LCK: variants seen among roughly 807,000 people sequenced by gnomAD.
The protein encoded by LCK is LCK proto-oncogene, Src family tyrosine kinase.
LCK carries 14 observed loss-of-function variants against 64.6 expected under a neutral mutation model. The ratio of observed to expected loss-of-function variants is 0.22; its 90% confidence interval spans 0.14 to 0.34. The LOEUF (loss-of-function observed/expected upper bound fraction) is 0.34, where lower values mean the gene tolerates loss of function less well. LCK is among the 10% of genes least tolerant of loss of function. LCK has a pLI of 1.00. For synonymous variants in LCK, 277 were observed against 263.6 expected (o/e 1.05, Z -0.49); for missense variants, 434 against 668.1 (o/e 0.65, Z 3.86).
chr1:32,281,588 A>G (rs1218836319), intron 12 of LCK, among the ~76,000 whole-genome samples: 2 of 152,100 alleles, frequency 1.3e-5, no homozygotes, highest in African/African-American at 4.8e-5. Context: ...AAAGCCCTTT[A>G]CCCCTGAATT....
chr1:32,265,643 C>T (rs893150631), intron 1 of LCK, among the ~76,000 whole-genome samples: 3 of 152,160 alleles, frequency 2.0e-5, no homozygotes, highest in Non-Finnish European at 4.4e-5. Flanking sequence ...TAGGACCTGC[C>T]TTGCATGCTT....
chr1:32,278,949 A>G (rs1269919385), intron 9 of LCK, among the ~76,000 whole-genome samples: 1 of 152,130 alleles, frequency 6.6e-6, no homozygotes, highest in African/African-American at 2.4e-5. Context: ...GCCCTCCACT[A>G]TTAGAGAGGT....
chr1:32,266,543 C>T (rs1639915121), intron 1 of LCK, among the ~76,000 whole-genome samples: 1 of 150,942 alleles, frequency 6.6e-6, no homozygotes, highest in African/African-American at 2.4e-5. Context: ...GCCTCAGCCT[C>T]CAAAAGGGCT....
At chr1:32,261,695 C>A (rs1256922130) in intron 1 of LCK, among the ~76,000 whole-genome samples, 7 of 146,066 alleles carry the variant, frequency 4.8e-5, no homozygotes, top group Admixed American at 6.9e-5. Flanking sequence ...TGGCTTACAC[C>A]TGTAATCTCA....
chr1:32,275,583 A>G lies in LCK; in HGVS notation c.392A>G (p.Asn131Ser). The G allele has an allele frequency of 1.3e-6, 2 of 1,570,430 alleles. No individual in the cohort carries two copies. Among genetic ancestry groups the G allele is most frequent in the Admixed American group, 1.9e-5 (1 of 52,782 alleles). Residue 131 changes from asparagine (N) to serine (S), a missense_variant, in exon 6 of 13, where the codon AAC (asparagine) becomes AGC (serine). Coordinates refer to ENST00000336890, the MANE Select transcript of LCK (RefSeq NM_005356.5). This position sits in a 1 kb window ranked among gnomAD's most constrained non-coding sequence, Gnocchi z 6.9. ...GCCCTGCACAGCTGGTTCTTCAAGA[A>G]CCTGAGCCGCAAGGACGCGGAGCGG... ...SLEPEPWFFK[N>S]LSRKDAERQL...
At position 32,268,297 on chromosome 1, in the gene LCK, T is replaced by A. The variant is rs545315657; in HGVS notation, c.-5-6028T>A. Among the ~76,000 whole-genome samples the A allele has an allele frequency of 2.1e-3, 319 of 152,042 alleles. 4 individuals carry two copies. The highest frequency in any genetic ancestry group is 3.8e-3 in the Non-Finnish European group (257 of 67,974). ...GGCTTCTTTTCAAAACTTAAAAAAA[T>A]TTATTATTATTATTCATTTATTTAT... On this transcript the variant is annotated intron_variant, in intron 1 of 12. Coordinates refer to ENST00000336890, the MANE Select transcript of LCK (RefSeq NM_005356.5).
At chr1:32,260,949 G>C (rs929374491) in intron 1 of LCK, among the ~76,000 whole-genome samples, 25 of 152,036 alleles carry the variant, frequency 1.6e-4, no homozygotes, top group Admixed American at 1.4e-3. Context: ...GTAAAGCATT[G>C]GCCCAAGAAA....
chr1:32,257,748 G>C (rs1323254415), intron 1 of LCK, among the ~76,000 whole-genome samples: 1 of 152,162 alleles, frequency 6.6e-6, no homozygotes, highest in African/African-American at 2.4e-5. Flanking sequence ...AAGTACCCAA[G>C]GGAGCGGACT....
chr1:32,284,182 C>G (rs550415971), intron 12 of LCK, among the ~76,000 whole-genome samples: 1 of 151,194 alleles, frequency 6.6e-6, no homozygotes, highest in East Asian at 1.9e-4. Context: ...CGCAGATGGC[C>G]TCAGGTGCCC....
intron 1 of LCK, among the ~76,000 whole-genome samples, chr1:32,272,897 TGA>T (rs1640141740): frequency 7.4e-6 from 1 of 135,118 alleles, no homozygotes; most frequent in Non-Finnish European, 1.6e-5. Context: ...TGGGTGTGGG[TGA>T]GTGTGTGGAG....
Position 32,269,034 on chromosome 1 carries a change from C to A in LCK, c.-5-5291C>A, listed in dbSNP as rs138708213. ...CTGTAGTCCCACCTGCTTAGGGAGG[C>A]TGAGGGAGGAGAGACAGAGCTTGCA... On this transcript the variant is annotated intron_variant, in intron 1 of 12. Coordinates refer to ENST00000336890, the MANE Select transcript of LCK (RefSeq NM_005356.5). Among the ~76,000 whole-genome samples the A allele has an allele frequency of 4.6e-3, 683 of 149,960 alleles. 3 individuals are homozygous for A. The highest frequency in any genetic ancestry group is 0.015 in the African/African-American group (593 of 40,756).
chr1:32,276,254 TG>T lies in LCK; in HGVS notation c.632-78del. 2 of 1,498,744 alleles carry T rather than the reference TG, an allele frequency of 1.3e-6. No individual in the cohort carries two copies. 92.8% of individuals were successfully genotyped at this position (1,498,744 alleles called of 1,614,324 possible). On this transcript the variant is annotated intron_variant, in intron 7 of 12. Transcript: ENST00000336890. The surrounding 1 kb of genome is among the most constrained non-coding windows in gnomAD (Gnocchi z 4.6). ...CCCTTGCTAGTCCACTTCACCTAGA[TG>T]GGGGCTTGGAGAAGTGGGGGAGGTG...
chr1:32,259,633 A>G (rs955298082), intron 1 of LCK, among the ~76,000 whole-genome samples: 9 of 146,750 alleles, frequency 6.1e-5, no homozygotes, highest in Non-Finnish European at 1.2e-4. Flanking sequence ...AAATAAAAAT[A>G]ATAATAATAA....
At chr1:32,266,636 C>A (rs1269012278) in intron 1 of LCK, among the ~76,000 whole-genome samples, 3 of 144,040 alleles carry the variant, frequency 2.1e-5, no homozygotes, top group African/African-American at 7.7e-5. Flanking sequence ...CCTTCACCTC[C>A]TCCTCCTCTT....
intron 1 of LCK, among the ~76,000 whole-genome samples, chr1:32,270,075 C>T (rs1426382710): frequency 6.6e-6 from 1 of 152,032 alleles, no homozygotes; most frequent in African/African-American, 2.4e-5. Context: ...TCCCTGCTTC[C>T]ACTTAGACCC....
At chr1:32,264,744 T>A (rs891800197) in intron 1 of LCK, among the ~76,000 whole-genome samples, 1 of 152,068 alleles carries the variant, frequency 6.6e-6, no homozygotes, top group African/African-American at 2.4e-5. Flanking sequence ...AGATGCAAAT[T>A]TTCTTATTTT....
At chr1:32,281,563 C>G (rs771809135) in intron 12 of LCK, among the ~76,000 whole-genome samples, 10 of 152,098 alleles carry the variant, frequency 6.6e-5, no homozygotes, top group Non-Finnish European at 1.0e-4. Context: ...TGACTCCTCC[C>G]ACCATCTCCT....
Position 32,275,898 on chromosome 1 carries a change from C to T in LCK, c.482-16C>T. On this transcript the variant is annotated splice_polypyrimidine_tract_variant and intron_variant, in intron 6 of 12. Transcript: ENST00000336890. This position sits in a 1 kb window ranked among gnomAD's most constrained non-coding sequence, Gnocchi z 6.9. ...TGCGTTCTTTCGTCGCTTTGTCCAT[C>T]CATTCATTCATTCAGGATCGTTTTC... The T allele has an allele frequency of 6.2e-7, 1 of 1,613,778 alleles. No homozygotes were observed. Among genetic ancestry groups the T allele is most frequent in the Middle Eastern group, 1.7e-4 (1 of 6,060 alleles).
chr1:32,266,431 G>A (rs1320435172), intron 1 of LCK, among the ~76,000 whole-genome samples: 1 of 147,870 alleles, frequency 6.8e-6, no homozygotes, highest in Non-Finnish European at 1.5e-5. Flanking sequence ...CCAGGAGGCA[G>A]AGCTTGCAGT....
Sources: allele counts gnomAD v4.1 joint callset (sites outside exome capture counted in the v4.1 genomes callset), GRCh38; gene constraint gnomAD v4.1.1; non-coding constraint Gnocchi (gnomAD v3.1); transcripts MANE v1.5; gene names NCBI Gene and HGNC (gene_info 2026-07-23, HGNC 2026-07-21).